The following NRG3 variants were observed in gnomAD, a reference collection of about 807,000 sequenced individuals.
NRG3 encodes pro-neuregulin-3, membrane-bound isoform.
In NRG3, 31 loss-of-function variants were observed where a neutral mutation model predicts 66.9. The observed-to-expected ratio is 0.46, with a 90% CI of 0.35 to 0.63. The LOEUF (loss-of-function observed/expected upper bound fraction) is 0.63, where lower values mean the gene tolerates loss of function less well. Among genes scored for constraint, NRG3 ranks in the 20% least tolerant of loss-of-function variants. NRG3 has a pLI of 0.00. For missense variants in NRG3, 910 were observed against 878.9 expected, an observed-to-expected ratio of 1.04 and a Z score of -0.45; for synonymous variants, 393 against 359.4, an observed-to-expected ratio of 1.09 and a Z score of -1.06.
At chr10:82,565,862 C>A (rs1179533006) in intron 2 of NRG3, among the ~76,000 whole-genome samples, 1 of 151,994 alleles carries the variant, frequency 6.6e-6, no homozygotes, top group Non-Finnish European at 1.5e-5. Flanking sequence ...AGGAGAAACA[C>A]AGAAAAATGA....
intron 1 of NRG3, among the ~76,000 whole-genome samples, chr10:81,881,258 AT>A (rs920268896): frequency 1.3e-5 from 2 of 151,470 alleles, no homozygotes; most frequent in African/African-American, 4.9e-5. Context: ...ATTAAATGAA[AT>A]TTCTTAGATA....
intron 2 of NRG3, among the ~76,000 whole-genome samples, chr10:82,658,624 A>G (rs955014429): frequency 6.6e-5 from 10 of 152,124 alleles, no homozygotes; most frequent in African/African-American, 2.4e-4. Context: ...ATACAAACTA[A>G]TCTATAATAG....
chr10:82,849,528 A>G (rs558126435), intron 3 of NRG3, among the ~76,000 whole-genome samples: 4 of 151,684 alleles, frequency 2.6e-5, no homozygotes, highest in African/African-American at 9.6e-5. Context: ...TATTCTTTAT[A>G]TGGTGGTAAA....
intron 3 of NRG3, among the ~76,000 whole-genome samples, chr10:82,816,419 C>T (rs1255026350): frequency 6.6e-6 from 1 of 152,146 alleles, no homozygotes; most frequent in Non-Finnish European, 1.5e-5. Context: ...AGAGGAGACC[C>T]AAAGTGGGTA....
chr10:81,919,805 T>C (rs1175829943), intron 1 of NRG3, among the ~76,000 whole-genome samples: 1 of 152,024 alleles, frequency 6.6e-6, no homozygotes, highest in East Asian at 1.9e-4. Flanking sequence ...GAAGTTGGTC[T>C]GAGGGGCAAT....
intron 6 of NRG3, among the ~76,000 whole-genome samples, chr10:82,959,943 C>G (rs994114192): frequency 1.3e-5 from 2 of 152,174 alleles, no homozygotes; most frequent in Non-Finnish European, 2.9e-5. Flanking sequence ...TTTGACCCCA[C>G]ACAGCATCCG....
At chr10:82,187,001 C>T (rs1028061167) in intron 1 of NRG3, among the ~76,000 whole-genome samples, 1 of 152,162 alleles carries the variant, frequency 6.6e-6, no homozygotes, top group Non-Finnish European at 1.5e-5. Context: ...ATCTTACTTT[C>T]CACTAGAATA....
At chr10:82,244,879 GC>G (rs1461188370) in intron 1 of NRG3, among the ~76,000 whole-genome samples, 1 of 151,780 alleles carries the variant, frequency 6.6e-6, no homozygotes, top group African/African-American at 2.4e-5. Context: ...GACTACAGAT[GC>G]CCACCACCAT....
intron 1 of NRG3, among the ~76,000 whole-genome samples, chr10:81,930,796 A>C (rs968142815): frequency 3.3e-5 from 5 of 152,142 alleles, no homozygotes; most frequent in African/African-American, 1.2e-4. Context: ...CATAGGTTAC[A>C]TGTTATGGTG....
At chr10:82,259,426 C>A (rs1298431399) in intron 1 of NRG3, among the ~76,000 whole-genome samples, 1 of 152,096 alleles carries the variant, frequency 6.6e-6, no homozygotes, top group East Asian at 1.9e-4. Context: ...CAAGTCTGTG[C>A]AGAGTAACCT....
In NRG3 at chr10:81,955,441, T is replaced by C. The variant is rs117098660; in HGVS notation, c.823+79278T>C. Among the ~76,000 whole-genome samples the C allele has an allele frequency of 2.6e-5, 4 of 152,234 alleles. No homozygotes were observed. The East Asian group carries it at 7.7e-4, about 29-fold the overall frequency. On this transcript the variant is annotated intron_variant, in intron 1 of 8. Transcript: ENST00000372141. ...CAGAAATACCAGTGGCCATTTATTT[T>C]AGTTCTGCATTTCATAGCCTTGTCA...
intron 1 of NRG3, among the ~76,000 whole-genome samples, chr10:82,160,943 A>G (rs1048497618): frequency 1.8e-4 from 28 of 152,122 alleles, no homozygotes; most frequent in Middle Eastern, 6.8e-3. Context: ...AATATGTACA[A>G]TACCTGGAGC....
At chr10:82,612,292 C>G (rs2048361986) in intron 2 of NRG3, among the ~76,000 whole-genome samples, 1 of 152,024 alleles carries the variant, frequency 6.6e-6, no homozygotes, top group South Asian at 2.1e-4. Flanking sequence ...TTTCTTCCTT[C>G]CATCTTGCCT....
chr10:82,968,424 T>TAA (rs1255499187), intron 6 of NRG3, among the ~76,000 whole-genome samples: 2 of 152,074 alleles, frequency 1.3e-5, no homozygotes, highest in Non-Finnish European at 2.9e-5. Context: ...ATAATACAAA[T>TAA]AAAAACAACT....
chr10:82,657,342 C>T (rs2051953291), intron 2 of NRG3, among the ~76,000 whole-genome samples: 1 of 152,106 alleles, frequency 6.6e-6, no homozygotes, highest in Admixed American at 6.5e-5. Flanking sequence ...ACAGGGAGTG[C>T]TAGTCAAGTA....
chr10:82,465,284 G>T (rs1253778540), intron 2 of NRG3, among the ~76,000 whole-genome samples: 1 of 152,186 alleles, frequency 6.6e-6, no homozygotes, highest in Non-Finnish European at 1.5e-5. Flanking sequence ...AATTAAGAGT[G>T]TTCTCTCTGG....
chr10:82,329,672 C>T (rs1231286634), intron 1 of NRG3, among the ~76,000 whole-genome samples: 3 of 152,078 alleles, frequency 2.0e-5, no homozygotes, highest in African/African-American at 7.2e-5. Context: ...CTGTCTTATT[C>T]CTTCAAAGAA....
chr10:82,586,457 A>G (rs1239086216), intron 2 of NRG3, among the ~76,000 whole-genome samples: 1 of 152,148 alleles, frequency 6.6e-6, no homozygotes, highest in Non-Finnish European at 1.5e-5. Context: ...TTGGTTACTT[A>G]CAGTCTGGAA....
At chr10:82,125,740 GTGGT>G (rs2068403103) in intron 1 of NRG3, among the ~76,000 whole-genome samples, 1 of 151,828 alleles carries the variant, frequency 6.6e-6, no homozygotes, top group Non-Finnish European at 1.5e-5. Context: ...CCCTCTCCAG[GTGGT>G]TCCCCTTCCA....
Sources: allele counts gnomAD v4.1 joint callset (sites outside exome capture counted in the v4.1 genomes callset), GRCh38; gene constraint gnomAD v4.1.1; transcripts MANE v1.5; gene names NCBI Gene and HGNC (gene_info 2026-07-23, HGNC 2026-07-21).